ADAMTSL1: variants seen among roughly 807,000 people sequenced by gnomAD.
The protein encoded by ADAMTSL1 is ADAMTS-like protein 1.
Under a neutral mutation model 201.8 loss-of-function variants are expected in ADAMTSL1, and 126 were observed. The ratio of observed to expected loss-of-function variants is 0.62; its 90% CI spans 0.54 to 0.72. The LOEUF (loss-of-function observed/expected upper bound fraction) is 0.72, where lower values mean the gene tolerates loss of function less well. Among genes scored for constraint, ADAMTSL1 ranks in the 30% least tolerant of loss-of-function variants. The pLI is 0.00. For synonymous variants in ADAMTSL1, 1,121 were observed against 903.4 expected, an observed-to-expected ratio of 1.24 and a Z score of -4.32; for missense variants, 2,679 against 2,277.8, an observed-to-expected ratio of 1.18 and a Z score of -3.59.
chr9:18,687,738 A>T (rs559894489), intron 13 of ADAMTSL1, among the ~76,000 whole-genome samples: 94 of 152,338 alleles, frequency 6.2e-4, no homozygotes, highest in Middle Eastern at 3.4e-3. Flanking sequence ...CTCAGGCCAA[A>T]CATATGTTGG....
chr9:18,243,859 C>T (rs1352346765), intron 2 of ADAMTSL1, among the ~76,000 whole-genome samples: 6 of 150,116 alleles, frequency 4.0e-5, no homozygotes, highest in Non-Finnish European at 1.5e-5. Flanking sequence ...GAGACTCTTC[C>T]TGAGCTTCTC....
chr9:18,803,051 G>A (rs1020154935), intron 20 of ADAMTSL1, among the ~76,000 whole-genome samples: 7 of 152,260 alleles, frequency 4.6e-5, no homozygotes, highest in East Asian at 3.9e-4. Context: ...TATGGCCTGC[G>A]TATTTGCTTT....
chr9:18,026,283 T>C (rs1322966979), intron 1 of ADAMTSL1, among the ~76,000 whole-genome samples: 1 of 152,006 alleles, frequency 6.6e-6, no homozygotes, highest in Non-Finnish European at 1.5e-5. Context: ...TTGTCTTCTT[T>C]CAGTTCTTAA....
chr9:18,400,589 A>G (rs1817949129), intron 2 of ADAMTSL1, among the ~76,000 whole-genome samples: 2 of 152,204 alleles, frequency 1.3e-5, no homozygotes, highest in African/African-American at 2.4e-5. Context: ...TGTATTTGCA[A>G]TTGTACATAG....
intron 23 of ADAMTSL1, among the ~76,000 whole-genome samples, chr9:18,839,245 C>T: frequency 6.9e-6 from 1 of 144,710 alleles, no homozygotes; most frequent in African/African-American, 2.6e-5. Context: ...CATGTGTTCT[C>T]ATTGTTCAAT....
At chr9:17,922,997 A>T (rs1205501780) in intron 1 of ADAMTSL1, among the ~76,000 whole-genome samples, 1 of 152,114 alleles carries the variant, frequency 6.6e-6, no homozygotes, top group Non-Finnish European at 1.5e-5. Context: ...TCAAGTCATC[A>T]TGCCCCTGGA....
intron 23 of ADAMTSL1, among the ~76,000 whole-genome samples, chr9:18,881,901 G>C (rs1036379914): frequency 3.3e-5 from 5 of 152,144 alleles, no homozygotes; most frequent in African/African-American, 9.7e-5. Context: ...ATCTGCACGA[G>C]GAATAGCAGG....
intron 2 of ADAMTSL1, among the ~76,000 whole-genome samples, chr9:18,268,465 A>C (rs1370425356): frequency 6.6e-6 from 1 of 152,236 alleles, no homozygotes; most frequent in Non-Finnish European, 1.5e-5. Flanking sequence ...GTAAGATATC[A>C]GTCATTTAAA....
At chr9:18,727,208 C>T (rs1817945960) in intron 15 of ADAMTSL1, among the ~76,000 whole-genome samples, 1 of 152,192 alleles carries the variant, frequency 6.6e-6, no homozygotes, top group Non-Finnish European at 1.5e-5. Flanking sequence ...GCTTTCAAAG[C>T]CTTGCAGGCT....
At chr9:18,379,499 G>C (rs1289700024) in intron 2 of ADAMTSL1, among the ~76,000 whole-genome samples, 2 of 152,122 alleles carry the variant, frequency 1.3e-5, no homozygotes, top group African/African-American at 4.8e-5. Context: ...TAGAATGGAA[G>C]CTGCCAGATT....
intron 1 of ADAMTSL1, among the ~76,000 whole-genome samples, chr9:18,031,766 G>A (rs143501137): frequency 1.3e-5 from 2 of 152,270 alleles, no homozygotes; most frequent in Non-Finnish European, 2.9e-5. Flanking sequence ...CTTTAGGGGT[G>A]GCCTGAGCCA....
At chr9:18,319,120 A>G (rs1191768855) in intron 2 of ADAMTSL1, among the ~76,000 whole-genome samples, 2 of 152,140 alleles carry the variant, frequency 1.3e-5, no homozygotes, top group East Asian at 1.9e-4. Context: ...CTGAGGCAGG[A>G]GGATCACTTG....
chr9:18,089,022 G>GGT (rs1357848543), intron 1 of ADAMTSL1, among the ~76,000 whole-genome samples: 2 of 151,990 alleles, frequency 1.3e-5, no homozygotes, highest in Non-Finnish European at 2.9e-5. Flanking sequence ...CACAAAATGT[G>GGT]GTATATATAC....
At chr9:17,940,759 C>A (rs1010897612) in intron 1 of ADAMTSL1, among the ~76,000 whole-genome samples, 4 of 128,920 alleles carry the variant, frequency 3.1e-5, no homozygotes, top group Non-Finnish European at 6.6e-5. Flanking sequence ...GACCCTAACT[C>A]GAAAAATAAA....
intron 2 of ADAMTSL1, among the ~76,000 whole-genome samples, chr9:18,531,574 C>T (rs1819448600): frequency 6.6e-6 from 1 of 151,974 alleles, no homozygotes; most frequent in African/African-American, 2.4e-5. Context: ...GGAATGGGAC[C>T]CTTTCTATAT....
At chr9:18,198,079 C>T (rs911241163) in intron 2 of ADAMTSL1, among the ~76,000 whole-genome samples, 7 of 152,116 alleles carry the variant, frequency 4.6e-5, no homozygotes, top group African/African-American at 1.7e-4. Flanking sequence ...AATTGGATCC[C>T]TTCCTTACAC....
chr9:17,997,650 C>G (rs1819438444), intron 1 of ADAMTSL1, among the ~76,000 whole-genome samples: 1 of 151,932 alleles, frequency 6.6e-6, no homozygotes, highest in East Asian at 1.9e-4. Flanking sequence ...AAGGTGCTGG[C>G]TCTTGAATTC....
chr9:18,289,554 A>G (rs1193018108), intron 2 of ADAMTSL1, among the ~76,000 whole-genome samples: 1 of 152,228 alleles, frequency 6.6e-6, no homozygotes, highest in African/African-American at 2.4e-5. Flanking sequence ...CCAAGGAGCC[A>G]GTATTCTATT....
intron 2 of ADAMTSL1, among the ~76,000 whole-genome samples, chr9:18,307,223 A>G (rs902397961): frequency 6.6e-6 from 1 of 152,056 alleles, no homozygotes; most frequent in Non-Finnish European, 1.5e-5. Context: ...AAAAAATAGT[A>G]CCAGCCACTG....
Sources: allele counts gnomAD v4.1 joint callset (sites outside exome capture counted in the v4.1 genomes callset), GRCh38; gene constraint gnomAD v4.1.1; transcripts MANE v1.5; gene names NCBI Gene and HGNC (gene_info 2026-07-23, HGNC 2026-07-21).